The following KCNMA1 variants were observed in gnomAD, a reference collection of about 807,000 sequenced individuals.
KCNMA1 encodes Calcium-activated potassium channel subunit alpha-1.
Under a neutral mutation model 140.0 loss-of-function variants are expected in KCNMA1, and 29 were observed. The observed-to-expected ratio is 0.21, with a 90% CI of 0.15 to 0.28. The LOEUF is 0.28. Ranked by LOEUF, KCNMA1 falls within the 10% of genes least tolerant of loss-of-function variation. KCNMA1 has a pLI of 1.00. For synonymous variants in KCNMA1, 612 were observed against 611.9 expected, an observed-to-expected ratio of 1.00 and a Z score of 0.00; for missense variants, 880 against 1,602.2, an observed-to-expected ratio of 0.55 and a Z score of 7.70.
downstream of KCNMA1, chr10:76,875,416 T>A (rs1046815527): frequency 6.6e-6 from 1 of 152,006 alleles, no homozygotes; most frequent in Non-Finnish European, 1.5e-5. Flanking sequence ...ATTATGATTT[T>A]TTTTAAAAAA....
chr10:77,535,424 A>C (rs567139596), intron 1 of KCNMA1, among the ~76,000 whole-genome samples: 8 of 152,380 alleles, frequency 5.3e-5, no homozygotes, highest in Non-Finnish European at 7.3e-5. Context: ...GAGAACAGGG[A>C]ACATTCATAC....
chr10:77,625,311 G>A (rs1161448934), intron 1 of KCNMA1, among the ~76,000 whole-genome samples: 2 of 152,068 alleles, frequency 1.3e-5, no homozygotes, highest in African/African-American at 2.4e-5. Flanking sequence ...AACCTGGGAG[G>A]CGGAGCTTGC....
At position 77,637,634 on chromosome 10, in the gene KCNMA1, A is replaced by G; in HGVS notation, c.9T>C (p.Asn3=). MA[N]GGGGGGGSSG... is the part of the protein sequence containing the mutation. ...TGCTGCCGCCGCCGCCGCCGCCACC[A>G]TTTGCCATAGCTAGCAACGGGCAGC... The change falls in exon 1 of 28, where the codon AAT becomes AAC. Residue 3 remains asparagine, a synonymous_variant. Coordinates refer to ENST00000286628, the MANE Select transcript of KCNMA1 (RefSeq NM_001161352.2). The G allele has an allele frequency of 6.6e-7, 1 of 1,517,456 alleles. No homozygotes were observed. Among genetic ancestry groups the G allele is most frequent in the Non-Finnish European group, 8.8e-7 (1 of 1,138,264 alleles). 94.0% of individuals were successfully genotyped at this position (1,517,456 alleles called of 1,614,324 possible). A position where few individuals can be genotyped will look rare whatever the true frequency, so the allele number is the denominator to read the frequency against.
At chr10:77,439,147 G>GAAGAGAAGAGAAGAGAAGAA (rs2097337483) in intron 1 of KCNMA1, among the ~76,000 whole-genome samples, 1 of 105,306 alleles carries the variant, frequency 9.5e-6, no homozygotes, top group Non-Finnish European at 2.1e-5. Flanking sequence ...GAAGAGAAGA[G>GAAGAGAAGAGAAGAGAAGAA]AAAAGAGAAG....
chr10:77,383,364 C>G (rs542449362), intron 2 of KCNMA1, among the ~76,000 whole-genome samples: 1 of 151,310 alleles, frequency 6.6e-6, no homozygotes, highest in African/African-American at 2.4e-5. Flanking sequence ...GAAATGTGGG[C>G]CAGACTGCTG....
intron 1 of KCNMA1, among the ~76,000 whole-genome samples, chr10:77,511,709 T>C (rs1036609910): frequency 2.6e-5 from 4 of 152,236 alleles, no homozygotes; most frequent in Admixed American, 6.5e-5. Flanking sequence ...ATCTGGTAAA[T>C]AGCTCATCTG....
chr10:77,488,691 G>A (rs777876398), intron 1 of KCNMA1, among the ~76,000 whole-genome samples: 4 of 152,054 alleles, frequency 2.6e-5, no homozygotes, highest in African/African-American at 4.8e-5. Flanking sequence ...CAGGGGTGAC[G>A]AGGAGACAGC....
intron 2 of KCNMA1, among the ~76,000 whole-genome samples, chr10:77,299,045 G>A (rs1262348192): frequency 2.0e-5 from 3 of 152,212 alleles, no homozygotes; most frequent in Non-Finnish European, 4.4e-5. Flanking sequence ...ACCAGTGCTG[G>A]TTTCATAGTA....
rs573376908 is a variant in KCNMA1 at position 77,527,943 on chromosome 10, C to A, written c.378+109322G>T. Among the ~76,000 whole-genome samples the A allele has an allele frequency of 1.6e-4, 25 of 152,250 alleles. No individual in the cohort carries two copies. In the East Asian group the frequency reaches 4.7e-3, roughly 28 times the overall value. ...CTATGGGACTCCTGTCTCTGAGGCA[C>A]CATGGGGTGTGTTGGGGAGAGACTG... On this transcript the variant is annotated intron_variant, in intron 1 of 27. Transcript: ENST00000286628.
chr10:77,385,907 G>C (rs1464183197), intron 2 of KCNMA1, among the ~76,000 whole-genome samples: 2 of 152,168 alleles, frequency 1.3e-5, no homozygotes, highest in Non-Finnish European at 2.9e-5. Flanking sequence ...CAAATGAGGA[G>C]AGTGACATGT....
intron 23 of KCNMA1, among the ~76,000 whole-genome samples, chr10:76,932,625 A>G (rs1434450062): frequency 2.0e-5 from 3 of 152,176 alleles, no homozygotes; most frequent in Non-Finnish European, 4.4e-5. Context: ...ATATATAGAT[A>G]TATAGATGAG....
At chr10:77,104,936 G>A (rs1257484406) in intron 9 of KCNMA1, among the ~76,000 whole-genome samples, 1 of 152,206 alleles carries the variant, frequency 6.6e-6, no homozygotes, top group Non-Finnish European at 1.5e-5. Flanking sequence ...AGGAGGAGGA[G>A]GCAGTGGCCT....
chr10:77,564,032 T>G (rs764557341), intron 1 of KCNMA1, among the ~76,000 whole-genome samples: 46 of 152,224 alleles, frequency 3.0e-4, no homozygotes, highest in Non-Finnish European at 5.0e-4. Flanking sequence ...CTCCTTATTA[T>G]TAGGCACATG....
chr10:77,571,096 C>T (rs2448395), intron 1 of KCNMA1, among the ~76,000 whole-genome samples: 110,106 of 152,080 alleles, frequency 0.72, 40,370 homozygotes, highest in South Asian at 0.85. Context: ...CAAATCTCCA[C>T]GGATTTTAAA....
intron 25 of KCNMA1, 40 bp from the exon 26 acceptor site, chr10:76,891,759 A>G (rs1564739648): frequency 6.5e-7 from 1 of 1,538,160 alleles, no homozygotes; most frequent in Non-Finnish European, 9.0e-7. Flanking sequence ...TCCTTTAAGC[A>G]AACACCCTAA....
intron 9 of KCNMA1, among the ~76,000 whole-genome samples, chr10:77,102,188 G>A (rs2097113826): frequency 6.6e-6 from 1 of 152,158 alleles, no homozygotes; most frequent in South Asian, 2.1e-4. Context: ...TTTAAGGTAG[G>A]GTAGGCTATG....
At chr10:77,600,974 C>T (rs561878083) in intron 1 of KCNMA1, among the ~76,000 whole-genome samples, 1 of 152,304 alleles carries the variant, frequency 6.6e-6, no homozygotes, top group East Asian at 1.9e-4. Context: ...ACATAATGGG[C>T]ACTTAATGAT....
intron 16 of KCNMA1, among the ~76,000 whole-genome samples, chr10:77,025,281 TAC>T (rs1555137508): frequency 2.5e-4 from 31 of 122,308 alleles, no homozygotes; most frequent in Non-Finnish European, 4.0e-4. Flanking sequence ...TATATATATA[TAC>T]ACACACACAT....
At chr10:77,212,919 C>T (rs2154176636) in intron 3 of KCNMA1, among the ~76,000 whole-genome samples, 1 of 152,322 alleles carries the variant, frequency 6.6e-6, no homozygotes, top group South Asian at 2.1e-4. Context: ...CACATCATTC[C>T]TTTCACTTGC....
Sources: gnomAD v4.1 joint callset for allele counts (sites outside exome capture counted in the v4.1 genomes callset) on GRCh38, gnomAD v4.1.1 for gene constraint, MANE v1.5 for transcripts, NCBI Gene and HGNC (gene_info 2026-07-23, HGNC 2026-07-21) for gene names.